The following FAT3 variants were observed in gnomAD, a reference collection of about 807,000 sequenced individuals.
The protein encoded by FAT3 is protocadherin Fat 3.
In FAT3, 95 loss-of-function variants were observed where a neutral mutation model predicts 310.2. That is an observed-to-expected ratio of 0.31 (90% CI 0.26 to 0.36). FAT3 has a LOEUF of 0.36. Among genes scored for constraint, FAT3 ranks in the 10% least tolerant of loss-of-function variants. FAT3 has a pLI of 1.00. For missense variants in FAT3, 5,408 were observed against 5,715.6 expected (o/e 0.95, Z 1.74); for synonymous variants, 2,314 against 2,192.9 (o/e 1.06, Z -1.54).
rs556993053 is a variant in FAT3 at position 92,354,090 on chromosome 11, A to C, written c.1978A>C (p.Asn660His). The C allele has an allele frequency of 1.4e-5, 23 of 1,613,732 alleles. No individual in the cohort carries two copies. The African/African-American group carries it at 2.3e-4, about 16-fold the overall frequency. Residue 660 changes from asparagine (N) to histidine (H), a missense_variant, in exon 2 of 28, where the codon AAT (asparagine) becomes CAT (histidine). This residue lies in a region of FAT3 where 4,588 missense variants were observed against 4,809.8 expected (regional missense o/e 0.95). Transcript: ENST00000525166. Reference sequence around the variant, plus strand: ...CAGAATTACAGCAACTGATGGAGAGAATCTTGCAGACCCCATGTCTATTAA... The same window carrying C: ...CAGAATTACAGCAACTGATGGAGAGCATCTTGCAGACCCCATGTCTATTAA... ...ALRITATDGE[N>H]LADPMSINIS...
intron 2 of FAT3, among the ~76,000 whole-genome samples, chr11:92,402,773 C>T (rs1950047801): frequency 6.7e-6 from 1 of 148,258 alleles, no homozygotes; most frequent in Admixed American, 6.8e-5. Flanking sequence ...AACTTTCCAA[C>T]ATTAATAATA....
intron 21 of FAT3, among the ~76,000 whole-genome samples, chr11:92,862,799 T>C (rs893132442): frequency 1.3e-5 from 2 of 152,376 alleles, no homozygotes; most frequent in African/African-American, 4.8e-5. Flanking sequence ...CACATACATG[T>C]AATTTCGACT....
intron 2 of FAT3, among the ~76,000 whole-genome samples, chr11:92,370,686 AC>A (rs1172825842): frequency 6.6e-6 from 1 of 152,166 alleles, no homozygotes; most frequent in East Asian, 1.9e-4. Context: ...TTTATCCTAC[AC>A]TGATATTTAT....
At chr11:92,768,057 A>G (rs895668900) in intron 6 of FAT3, among the ~76,000 whole-genome samples, 8 of 152,144 alleles carry the variant, frequency 5.3e-5, no homozygotes, top group African/African-American at 1.4e-4. Flanking sequence ...CCTTTAAGCT[A>G]CCTTAAATAT....
chr11:92,520,585 AG>A (rs982545362), intron 2 of FAT3, among the ~76,000 whole-genome samples: 10 of 152,136 alleles, frequency 6.6e-5, no homozygotes, highest in African/African-American at 1.9e-4. Flanking sequence ...CAATCTTAAA[AG>A]TGAGATTTGA....
chr11:92,765,589 A>G (rs1192191965), intron 6 of FAT3, among the ~76,000 whole-genome samples: 2 of 152,176 alleles, frequency 1.3e-5, no homozygotes, highest in African/African-American at 4.8e-5. Flanking sequence ...CCCTTAGTGC[A>G]AACACATTTG....
chr11:92,762,932 C>T (rs572110581), intron 5 of FAT3, among the ~76,000 whole-genome samples: 12 of 151,992 alleles, frequency 7.9e-5, no homozygotes, highest in South Asian at 4.2e-4. Context: ...CCGAGGCAGG[C>T]GGATCACTTG....
intron 2 of FAT3, among the ~76,000 whole-genome samples, chr11:92,478,958 T>TTTCTTTCTTTCTTTC (rs762531307): frequency 0.017 from 1,947 of 113,122 alleles, 65 homozygotes; most frequent in Admixed American, 0.026. Context: ...CTTTCTTTTC[T>TTTCTTTCTTTCTTTC]TTTCTTTTCT....
chr11:92,866,803 CT>C lies in FAT3; in HGVS notation c.11722del (p.Ser3908ArgfsTer43). The C allele has an allele frequency of 6.2e-7, 1 of 1,613,902 alleles. No individual in the cohort carries two copies. Among genetic ancestry groups the C allele is most frequent in the Non-Finnish European group, 8.5e-7 (1 of 1,179,882 alleles). On this transcript the variant is annotated frameshift_variant, in exon 22 of 28. Coordinates refer to ENST00000525166, the MANE Select transcript of FAT3 (RefSeq NM_001367949.2). LOFTEE classifies it high-confidence loss of function. The part of the protein sequence containing the change: ...CGSGPGILGI[S>X]GRAVNDGSWH... ...GCAGCGGCCCTGGAATCTTGGGCAT[CT>C]CGGGCCGTGCTGTCAACGACGGGAG...
chr11:92,364,238 G>A (rs574411891), intron 2 of FAT3, among the ~76,000 whole-genome samples: 9 of 151,912 alleles, frequency 5.9e-5, no homozygotes, highest in Non-Finnish European at 1.3e-4. Context: ...ATGGCTTACC[G>A]GCCCATCAGG....
chr11:92,274,253 G>C (rs1331833676), intron 1 of FAT3, among the ~76,000 whole-genome samples: 1 of 151,964 alleles, frequency 6.6e-6, no homozygotes, highest in Non-Finnish European at 1.5e-5. Flanking sequence ...ATAATTAAGG[G>C]AGATTTCTCT....
At position 92,570,030 on chromosome 11, in the gene FAT3, A is replaced by G. The variant is rs1009845232; in HGVS notation, c.3607+45082A>G. The stretch of plus-strand genomic sequence containing the variant: ...GACAGCAGGGTCTCTGAAATCCACA[A>G]TTTTGGTTGGTGATGAGAACTGAGG... On this transcript the variant is annotated intron_variant, in intron 3 of 27. Transcript: ENST00000525166. Among the ~76,000 whole-genome samples, 8 of 152,070 alleles carry G rather than the reference A, an allele frequency of 5.3e-5. No homozygotes were observed. In the South Asian group the frequency reaches 6.2e-4, roughly 12 times the overall value.
chr11:92,768,813 C>G (rs2136104695), intron 6 of FAT3, among the ~76,000 whole-genome samples: 1 of 152,232 alleles, frequency 6.6e-6, no homozygotes, highest in African/African-American at 2.4e-5. Flanking sequence ...GGTAAATACT[C>G]TATGACTCTT....
At chr11:92,388,776 G>A (rs2134800497) in intron 2 of FAT3, among the ~76,000 whole-genome samples, 1 of 152,272 alleles carries the variant, frequency 6.6e-6, no homozygotes, top group Admixed American at 6.5e-5. Flanking sequence ...GAGATTCAGA[G>A]CATAACTGCC....
chr11:92,778,318 A>G (rs1401850285), intron 7 of FAT3, among the ~76,000 whole-genome samples: 2 of 152,106 alleles, frequency 1.3e-5, no homozygotes, highest in Non-Finnish European at 2.9e-5. Context: ...AAGCTTACCC[A>G]TTCTCTACAC....
chr11:92,565,312 A>G (rs1362096366), intron 3 of FAT3, among the ~76,000 whole-genome samples: 1 of 149,992 alleles, frequency 6.7e-6, no homozygotes, highest in Admixed American at 6.7e-5. Flanking sequence ...TCCTCGACAC[A>G]TACACTCTCC....
At chr11:92,258,146 C>T (rs994505024) in intron 1 of FAT3, among the ~76,000 whole-genome samples, 2 of 152,094 alleles carry the variant, frequency 1.3e-5, no homozygotes. Context: ...CTAGACTTGG[C>T]TCTGTATATA....
chr11:92,601,722 C>G (rs568728736), intron 3 of FAT3, among the ~76,000 whole-genome samples: 2 of 152,036 alleles, frequency 1.3e-5, no homozygotes, highest in Non-Finnish European at 2.9e-5. Flanking sequence ...TAGAATGGAA[C>G]CTATTATATA....
In FAT3 at chr11:92,486,129, G is replaced by GTTTTTTTTTTTTTTTT. The variant is rs1565353395; in HGVS notation, c.3293-38505_3293-38504insTTTTTTTTTTTTTTTT. Among the ~76,000 whole-genome samples, 11 of 27,680 alleles carry GTTTTTTTTTTTTTTTT rather than the reference G, an allele frequency of 4.0e-4. 1 individual carries two copies. Among genetic ancestry groups the GTTTTTTTTTTTTTTTT allele is most frequent in the African/African-American group, 8.5e-4 (10 of 11,786 alleles). 18.2% of individuals were successfully genotyped at this position (27,680 alleles called of 152,430 possible). ...TGTGAAATAGAGGAGAGGCTGCTGGGGTTTTTTTTTTTTTTTTTTTTTTTT... is the reference window on the plus strand; with the variant it reads ...TGTGAAATAGAGGAGAGGCTGCTGGGTTTTTTTTTTTTTTTTGTTTTTTTTTTTTTTTTTTTTTTTT... On this transcript the variant is annotated intron_variant, in intron 2 of 27. Transcript: ENST00000525166.
Sources: gnomAD v4.1 joint callset for allele counts (sites outside exome capture counted in the v4.1 genomes callset) on GRCh38, gnomAD v4.1.1 for gene constraint, gnomAD v4.1.1 regional missense constraint, MANE v1.5 for transcripts, NCBI Gene and HGNC (gene_info 2026-07-23, HGNC 2026-07-21) for gene names.